Variants in TMEM115 observed in about 807,000 individuals in gnomAD.
TMEM115 encodes transmembrane protein 115, also known as PP6.
Under a neutral mutation model 20.1 loss-of-function variants are expected in TMEM115, and 8 were observed. The ratio of observed to expected loss-of-function variants is 0.40; its 90% CI spans 0.23 to 0.72. The LOEUF (loss-of-function observed/expected upper bound fraction) is 0.72, where lower values mean the gene tolerates loss of function less well. Among genes scored for constraint, TMEM115 ranks in the 30% least tolerant of loss-of-function variants. The pLI is 0.39. For missense variants in TMEM115, 374 were observed against 455.1 expected (o/e 0.82, Z 1.62); for synonymous variants, 229 against 206.2 (o/e 1.11, Z -0.95).
intron 1 of TMEM115, among the ~76,000 whole-genome samples, chr3:50,355,825 C>G (rs117634736): frequency 6.6e-6 from 1 of 152,192 alleles, no homozygotes; most frequent in African/African-American, 2.4e-5. Context: ...AGACTGCCCA[C>G]GAGGCCAGCC....
chr3:50,358,980 C>T lies in TMEM115; in HGVS notation c.84G>A (p.Ala28=), dbSNP rs369204973. The change falls in exon 1 of 2, where the codon GCG becomes GCA. Residue 28 remains alanine (A), a synonymous_variant. Coordinates refer to ENST00000266025, the MANE Select transcript of TMEM115 (RefSeq NM_007024.5). ...AGAGCAGGTAGAGGAATAGTACCGC[C>T]GCACACAGAGCCTTCACCACCACGC... The part of the protein sequence containing the change: ...SASVVVKALC[A]AVLFLYLLSF... The T allele has an allele frequency of 4.9e-5, 79 of 1,600,018 alleles. No homozygotes were observed. The highest frequency in any genetic ancestry group is 2.1e-4 in the Admixed American group (12 of 57,674).
Position 50,355,251 on chromosome 3 carries a change from C to T in TMEM115, c.*92G>A, listed in dbSNP as rs963520331. ...GGAAAGCCCCAGCAGGCCTTCTTCC[C>T]TCTCCTCAGAGCAGTCAGGTGCCCT... On this transcript the variant is annotated 3_prime_UTR_variant, in exon 2 of 2. Coordinates refer to ENST00000266025, the MANE Select transcript of TMEM115 (RefSeq NM_007024.5). 9.9e-7 allele frequency: 1 copy of T among 1,009,970 alleles called. No homozygotes were observed. Among genetic ancestry groups the T allele is most frequent in the Non-Finnish European group, 1.4e-6 (1 of 711,036 alleles). 62.6% of individuals were successfully genotyped at this position (1,009,970 alleles called of 1,614,324 possible).
chr3:50,355,724 C>G (rs975442931), intron 1 of TMEM115, among the ~76,000 whole-genome samples, 177 bp from the exon 2 acceptor site: 1 of 152,200 alleles, frequency 6.6e-6, no homozygotes, highest in African/African-American at 2.4e-5. Context: ...AGGACCCACT[C>G]TGCCATCAGA....
chr3:50,355,286 G>T lies in TMEM115; in HGVS notation c.*57C>A. 7.6e-7 allele frequency: 1 copy of T among 1,318,806 alleles called. No individual in the cohort carries two copies. Among genetic ancestry groups the T allele is most frequent in the Non-Finnish European group, 1.0e-6 (1 of 974,724 alleles). 81.7% of individuals were successfully genotyped at this position (1,318,806 alleles called of 1,614,324 possible). A position where few individuals can be genotyped will look rare whatever the true frequency, so the allele number is the denominator to read the frequency against. Reference sequence around the variant, plus strand: ...AGCAGTCAGGTGCCCTGGAGTAGCTGAGAGGATGTCAAGGGGGGCTTGGGA... The same window carrying T: ...AGCAGTCAGGTGCCCTGGAGTAGCTTAGAGGATGTCAAGGGGGGCTTGGGA... On this transcript the variant is annotated 3_prime_UTR_variant, in exon 2 of 2. Coordinates refer to ENST00000266025, the MANE Select transcript of TMEM115 (RefSeq NM_007024.5).
Position 50,359,173 on chromosome 3 carries a change from G to A in TMEM115, c.-110C>T. ...AGGCCCAGGCCCGGCCTAGTCACTG[G>A]CCTATGGCCCTGGTAAAGGATCCGC... On this transcript the variant is annotated 5_prime_UTR_variant, in exon 1 of 2. Transcript: ENST00000266025. 1 of 1,419,622 alleles carries A rather than the reference G, an allele frequency of 7.0e-7. No homozygotes were observed. The highest frequency in any genetic ancestry group is 9.3e-7 in the Non-Finnish European group (1 of 1,079,430). 87.9% of individuals were successfully genotyped at this position (1,419,622 alleles called of 1,614,324 possible).
In TMEM115 at chr3:50,355,359, G is replaced by A. The variant is rs1703851530; in HGVS notation, c.1040C>T (p.Ala347Val). ...GGTCTGGAGTTACAGCGTCGGGGGA[G>A]CTGCCTCGAAGGTGATTAGACTGGA... ...PESSLITFEA[A>V]PPTL is the part of the protein sequence containing the mutation. The change falls in exon 2 of 2, where the codon GCT becomes GTT. Residue 347 changes from alanine (A) to valine (V), a missense_variant. Coordinates refer to ENST00000266025, the MANE Select transcript of TMEM115 (RefSeq NM_007024.5). The A allele has an allele frequency of 6.7e-7, 1 of 1,501,596 alleles. No individual in the cohort carries two copies. Among genetic ancestry groups the A allele is most frequent in the Non-Finnish European group, 8.9e-7 (1 of 1,122,416 alleles). 93.0% of individuals were successfully genotyped at this position (1,501,596 alleles called of 1,614,324 possible). A position where few individuals can be genotyped will look rare whatever the true frequency, so the allele number is the denominator to read the frequency against.
In TMEM115 at chr3:50,358,851, A is replaced by T; in HGVS notation, c.213T>A (p.His71Gln). The T allele has an allele frequency of 6.2e-7, 1 of 1,613,268 alleles. No homozygotes were observed. The highest frequency in any genetic ancestry group is 8.5e-7 in the Non-Finnish European group (1 of 1,180,014). The change falls in exon 1 of 2, where the codon CAT (histidine) becomes CAA (glutamine). Residue 71 changes from histidine to glutamine, a missense_variant. His to Gln is a conservative substitution (Grantham distance 24). Coordinates refer to ENST00000266025, the MANE Select transcript of TMEM115 (RefSeq NM_007024.5). ...TCAGGCTGATGGCCACGTCCCACAC[A>T]TGCTGCTCCATCAGCCCATGGGTGG... Reference protein sequence around the residue: ...TLATHGLMEQHVWDVAISLTT... With the variant: ...TLATHGLMEQQVWDVAISLTT...
In TMEM115 at chr3:50,355,175, C is replaced by A. The variant is rs764776364; in HGVS notation, c.*168G>T. The A allele has an allele frequency of 1.3e-5, 6 of 474,056 alleles. No individual in the cohort carries two copies. Among genetic ancestry groups the A allele is most frequent in the Non-Finnish European group, 2.2e-5 (6 of 275,156 alleles). The allele number at this position is 474,056 out of a possible 1,614,324, so 29.4% of individuals were successfully genotyped here. ...GCATAGTGGTTGTCTGGAGTTGGAA[C>A]CAGGTAGCAAGAGTCCTGGGTAGTG... On this transcript the variant is annotated 3_prime_UTR_variant, in exon 2 of 2. Transcript: ENST00000266025.
In TMEM115 at chr3:50,358,614, C is replaced by T; in HGVS notation, c.450G>A (p.Lys150=). 6.2e-7 allele frequency: 1 copy of T among 1,612,568 alleles called. No individual in the cohort carries two copies. Among genetic ancestry groups the T allele is most frequent in the Non-Finnish European group, 8.5e-7 (1 of 1,179,692 alleles). Residue 150 remains lysine (K), a synonymous_variant, in exon 1 of 2, where the codon AAG becomes AAA. Coordinates refer to ENST00000266025, the MANE Select transcript of TMEM115 (RefSeq NM_007024.5). ...GFLGGVLVAL[K]QTMGDCVVLR... ...GGACCACACAGTCCCCCATGGTTTGCTTGAGTGCCACCAGGACGCCACCTA... is the reference window on the plus strand; with the variant it reads ...GGACCACACAGTCCCCCATGGTTTGTTTGAGTGCCACCAGGACGCCACCTA...
chr3:50,356,714 GAC>G (rs2109379226), intron 1 of TMEM115, among the ~76,000 whole-genome samples: 1 of 152,346 alleles, frequency 6.6e-6, no homozygotes, highest in African/African-American at 2.4e-5. Flanking sequence ...GGACCAGAGA[GAC>G]AGATAGGAAA....
chr3:50,358,129 T>C (rs1228219127), intron 1 of TMEM115, 84 bp downstream of exon 1: 8 of 1,539,274 alleles, frequency 5.2e-6, no homozygotes, highest in East Asian at 4.5e-5. Context: ...TCTCCACCTA[T>C]GTACAGCGAA....
In TMEM115 at chr3:50,358,386, A is replaced by T; in HGVS notation, c.678T>A (p.Thr226=). 1.2e-6 allele frequency: 2 copies of T among 1,613,944 alleles called. No individual in the cohort carries two copies. The highest frequency in any genetic ancestry group is 2.2e-5 in the South Asian group (2 of 91,076). ...GDMADHFAFA[T]FFPEILQPVV... ...CAGGCTGCAGGATCTCAGGGAAGAA[A>T]GTGGCGAAAGCAAAGTGGTCAGCCA... The change falls in exon 1 of 2, where the codon ACT becomes ACA. Residue 226 remains threonine, a synonymous_variant. Transcript: ENST00000266025.
At chr3:50,358,176 T>C in intron 1 of TMEM115, 37 bp downstream of exon 1, 8 of 1,605,160 alleles carry the variant, frequency 5.0e-6, no homozygotes, top group Non-Finnish European at 6.8e-6. Context: ...ACCAGTATGC[T>C]CCTAGCTTGA....
At chr3:50,355,618 C>A in intron 1 of TMEM115, 71 bp from the exon 2 acceptor site, 1 of 1,373,420 alleles carries the variant, frequency 7.3e-7, no homozygotes, top group Non-Finnish European at 9.8e-7. Context: ...CCTTCCGCAG[C>A]AGGCTGACTC....
At position 50,358,977 on chromosome 3, in the gene TMEM115, C is replaced by A; in HGVS notation, c.87G>T (p.Ala29=). 6.2e-7 allele frequency: 1 copy of A among 1,602,524 alleles called. No homozygotes were observed. Among genetic ancestry groups the A allele is most frequent in the East Asian group, 2.3e-5 (1 of 44,324 alleles). ...AGGAGAGCAGGTAGAGGAATAGTAC[C>A]GCCGCACACAGAGCCTTCACCACCA... ...ASVVVKALCA[A]VLFLYLLSFA... is the part of the protein sequence containing the mutation. The change falls in exon 1 of 2, where the codon GCG becomes GCT. Residue 29 remains alanine, a synonymous_variant. Transcript: ENST00000266025.
rs1014537680 is a variant in TMEM115, at chr3:50,359,255, C to T, written c.-192G>A. 2.2e-6 allele frequency: 2 copies of T among 916,496 alleles called. No homozygotes were observed. Among genetic ancestry groups the T allele is most frequent in the East Asian group, 2.7e-5 (1 of 37,240 alleles). 56.8% of individuals were successfully genotyped at this position (916,496 alleles called of 1,614,324 possible). On this transcript the variant is annotated 5_prime_UTR_variant, in exon 1 of 2. Transcript: ENST00000266025. Reference sequence around the variant, plus strand: ...GCCGAGTCGGGCCTTGTTGCCGGGCCGCAGCGTAGGCCCCTCGCCCGGGAC... The same window carrying T: ...GCCGAGTCGGGCCTTGTTGCCGGGCTGCAGCGTAGGCCCCTCGCCCGGGAC...
intron 1 of TMEM115, among the ~76,000 whole-genome samples, chr3:50,357,115 A>G (rs1240566058): frequency 6.6e-6 from 1 of 152,110 alleles, no homozygotes; most frequent in Non-Finnish European, 1.5e-5. Context: ...ACCTATAAAG[A>G]CCCAAGCTCT....
In TMEM115 at chr3:50,358,355, C is replaced by T; in HGVS notation, c.709G>A (p.Gly237Ser). 6.2e-7 allele frequency: 1 copy of T among 1,613,920 alleles called. No homozygotes were observed. Among genetic ancestry groups the T allele is most frequent in the Non-Finnish European group, 8.5e-7 (1 of 1,180,040 alleles). ...FFPEILQPVVGLLANLVHSLL... is the reference protein window; with the variant it reads ...FFPEILQPVVSLLANLVHSLL... ...CTGTGCACCAAGTTCGCCAGCAAAC[C>T]CACCACAGGCTGCAGGATCTCAGGG... The change falls in exon 1 of 2, where the codon GGT becomes AGT. Residue 237 changes from glycine to serine, a missense_variant. By Grantham distance (56) the Gly-to-Ser change is moderately conservative. Transcript: ENST00000266025.
In TMEM115 at chr3:50,355,302, G is replaced by A. The variant is rs371227218; in HGVS notation, c.*41C>T. Reference sequence around the variant, plus strand: ...GGAGTAGCTGAGAGGATGTCAAGGGGGGCTTGGGAGGGGAGGTGCCACACT... The same window carrying A: ...GGAGTAGCTGAGAGGATGTCAAGGGAGGCTTGGGAGGGGAGGTGCCACACT... On this transcript the variant is annotated 3_prime_UTR_variant, in exon 2 of 2. Transcript: ENST00000266025. The A allele has an allele frequency of 1.0e-5, 14 of 1,399,586 alleles. No individual in the cohort carries two copies. Among genetic ancestry groups the A allele is most frequent in the African/African-American group, 4.4e-5 (3 of 67,878 alleles). 86.7% of individuals were successfully genotyped at this position (1,399,586 alleles called of 1,614,324 possible).
Sources: allele counts gnomAD v4.1 joint callset (sites outside exome capture counted in the v4.1 genomes callset), GRCh38; gene constraint gnomAD v4.1.1; transcripts MANE v1.5; gene names NCBI Gene and HGNC (gene_info 2026-07-23, HGNC 2026-07-21).